XKR9: variants seen among roughly 807,000 people sequenced by gnomAD.
XKR9 encodes XK-related protein 9.
In XKR9, 32 loss-of-function variants were observed where a neutral mutation model predicts 32.0. That is an observed-to-expected ratio of 1.00 (90% CI 0.76 to 1.34). The LOEUF (loss-of-function observed/expected upper bound fraction) is 1.34, where lower values mean the gene tolerates loss of function less well. Among genes scored for constraint, XKR9 ranks in the 40% most tolerant of loss-of-function variants. The pLI is 0.00. For missense variants in XKR9, 546 were observed against 429.7 expected (o/e 1.27, Z -2.39); for synonymous variants, 168 against 143.4 (o/e 1.17, Z -1.22).
At chr8:70,817,909 T>C in the XKR9 span, among the ~76,000 whole-genome samples, 4 of 152,204 alleles carry the variant, frequency 2.6e-5, no homozygotes, top group African/African-American at 2.4e-5. Flanking sequence ...TGGCTAGCCA[T>C]ATGCAGAAGA....
At chr8:70,813,694 T>G in the XKR9 span, among the ~76,000 whole-genome samples, 2 of 152,222 alleles carry the variant, frequency 1.3e-5, no homozygotes, top group South Asian at 2.1e-4. Context: ...ATGAAAAAAT[T>G]CTCTTCATCA....
At chr8:70,895,893 G>T in the XKR9 span, among the ~76,000 whole-genome samples, 4 of 151,978 alleles carry the variant, frequency 2.6e-5, no homozygotes, top group Non-Finnish European at 5.9e-5. Flanking sequence ...CCCAACCACT[G>T]GGGGCGGGCG....
the XKR9 span, among the ~76,000 whole-genome samples, chr8:71,002,857 C>T: frequency 6.6e-6 from 1 of 152,244 alleles, no homozygotes; most frequent in Non-Finnish European, 1.5e-5. Flanking sequence ...AATGAGGCTC[C>T]TCCTCCCTGG....
chr8:70,939,053 A>G, the XKR9 span, among the ~76,000 whole-genome samples: 3 of 151,416 alleles, frequency 2.0e-5, no homozygotes, highest in Admixed American at 1.3e-4. Flanking sequence ...GACAGCTATC[A>G]TGTGATCAGC....
chr8:70,776,432 C>T (rs1441134606), intron 2 of XKR9, among the ~76,000 whole-genome samples: 7 of 152,012 alleles, frequency 4.6e-5, no homozygotes, highest in South Asian at 4.1e-4. Context: ...AAGCCATTTT[C>T]TCTTCTGAAA....
chr8:70,849,919 G>A, the XKR9 span, among the ~76,000 whole-genome samples: 950 of 151,594 alleles, frequency 6.3e-3, 5 homozygotes, highest in Non-Finnish European at 8.7e-3. Flanking sequence ...ACAAAACCAG[G>A]AAGAAGTAGA....
chr8:70,689,521 C>T (rs542173777), intron 3 of XKR9, among the ~76,000 whole-genome samples: 45 of 147,352 alleles, frequency 3.1e-4, no homozygotes, highest in South Asian at 8.6e-4. Flanking sequence ...GTATATTAGC[C>T]CCGGAGCTTC....
the XKR9 span, among the ~76,000 whole-genome samples, chr8:70,869,656 G>C: frequency 6.6e-6 from 1 of 152,088 alleles, no homozygotes; most frequent in Non-Finnish European, 1.5e-5. Context: ...AAAAATATTT[G>C]TCACCCTTCC....
chr8:70,955,713 G>A, the XKR9 span, among the ~76,000 whole-genome samples: 1 of 152,210 alleles, frequency 6.6e-6, no homozygotes, highest in African/African-American at 2.4e-5. Flanking sequence ...CTTGGCTCAT[G>A]GTCCTGGCTC....
intron 3 of XKR9, among the ~76,000 whole-genome samples, chr8:70,698,160 A>AT (rs1290138614): frequency 2.0e-5 from 3 of 151,926 alleles, no homozygotes; most frequent in African/African-American, 7.3e-5. Flanking sequence ...AATTTTTTGA[A>AT]GGTTTTTTTG....
chr8:70,707,089 C>T lies in XKR9; in HGVS notation c.429C>T (p.Gly143=). ...MLRLFETYLE[G]CPQLILQLYI... Reference sequence around the variant, plus strand: ...GACTATTTGAGACCTACCTGGAAGGCTGCCCACAACTTATTCTTCAACTCT... The same window carrying T: ...GACTATTTGAGACCTACCTGGAAGGTTGCCCACAACTTATTCTTCAACTCT... Residue 143 remains glycine, a synonymous_variant, in exon 4 of 5, where the codon GGC becomes GGT. Coordinates refer to ENST00000408926, the MANE Select transcript of XKR9 (RefSeq NM_001011720.2). The T allele has an allele frequency of 6.2e-7, 1 of 1,613,418 alleles. No individual in the cohort carries two copies. The highest frequency in any genetic ancestry group is 8.5e-7 in the Non-Finnish European group (1 of 1,179,486).
intron 4 of XKR9, among the ~76,000 whole-genome samples, chr8:70,719,212 T>C (rs1391587530): frequency 6.6e-6 from 1 of 152,188 alleles, no homozygotes; most frequent in Non-Finnish European, 1.5e-5. Flanking sequence ...TAGCCCTTTG[T>C]CAGATGGATA....
the XKR9 span, among the ~76,000 whole-genome samples, chr8:70,988,294 G>T: frequency 7.7e-6 from 1 of 130,348 alleles, no homozygotes. Context: ...TCCCTATCTA[G>T]AATATCCAGA....
At chr8:70,706,866 ATG>A in intron 3 of XKR9, 65 bp from the exon 4 acceptor site, 1 of 1,108,832 alleles carries the variant, frequency 9.0e-7, no homozygotes. Flanking sequence ...CCAAATTATT[ATG>A]TGTATTAACA....
At chr8:70,828,720 C>T in the XKR9 span, among the ~76,000 whole-genome samples, 1 of 81,250 alleles carries the variant, frequency 1.2e-5, no homozygotes, top group Non-Finnish European at 2.5e-5. Context: ...GACTATGTCT[C>T]AAAAAAAAAG....
chr8:70,707,421 T>C (rs1390094124), intron 4 of XKR9, among the ~76,000 whole-genome samples: 2 of 152,064 alleles, frequency 1.3e-5, no homozygotes, highest in Admixed American at 1.3e-4. Context: ...TTTTCTTTTT[T>C]CTTTAACACA....
At chr8:71,032,078 G>A in the XKR9 span, among the ~76,000 whole-genome samples, 1 of 152,136 alleles carries the variant, frequency 6.6e-6, no homozygotes, top group Non-Finnish European at 1.5e-5. Flanking sequence ...TGGATCACTT[G>A]AGGTCAGGAG....
At chr8:70,852,822 G>A in the XKR9 span, among the ~76,000 whole-genome samples, 1 of 152,162 alleles carries the variant, frequency 6.6e-6, no homozygotes, top group Admixed American at 6.5e-5. Flanking sequence ...AACAGGGAGG[G>A]GAAGATCACA....
chr8:70,681,033 A>G lies in XKR9; in HGVS notation c.-26A>G. 2 of 1,575,284 alleles carry G rather than the reference A, an allele frequency of 1.3e-6. No individual in the cohort carries two copies. Among genetic ancestry groups the G allele is most frequent in the South Asian group, 1.2e-5 (1 of 85,330 alleles). Reference sequence around the variant, plus strand: ...CTTTTTGTGAGGGAGAAAAAAGTAGATAACGAAAAGCTATAGTCATTCGTA... The same window carrying G: ...CTTTTTGTGAGGGAGAAAAAAGTAGGTAACGAAAAGCTATAGTCATTCGTA... On this transcript the variant is annotated 5_prime_UTR_variant, in exon 3 of 5. Transcript: ENST00000408926.
Sources: gnomAD v4.1 joint callset for allele counts (sites outside exome capture counted in the v4.1 genomes callset) on GRCh38, gnomAD v4.1.1 for gene constraint, MANE v1.5 for transcripts, NCBI Gene and HGNC (gene_info 2026-07-23, HGNC 2026-07-21) for gene names.